The following FBXL17 variants were observed in gnomAD, a reference collection of about 807,000 sequenced individuals.
The protein encoded by FBXL17 is F-box/LRR-repeat protein 17.
Under a neutral mutation model 66.2 loss-of-function variants are expected in FBXL17, and 22 were observed. The ratio of observed to expected loss-of-function variants is 0.33; its 90% CI spans 0.24 to 0.47. FBXL17 has a LOEUF of 0.47. Ranked by LOEUF, FBXL17 falls within the 20% of genes least tolerant of loss-of-function variation. FBXL17 has a pLI of 1.00. For synonymous variants in FBXL17, 474 were observed against 400.5 expected, an observed-to-expected ratio of 1.18 and a Z score of -2.19; for missense variants, 878 against 948.2, an observed-to-expected ratio of 0.93 and a Z score of 0.97.
intron 6 of FBXL17, among the ~76,000 whole-genome samples, chr5:108,023,147 G>A (rs990143722): frequency 6.6e-6 from 1 of 152,002 alleles, no homozygotes; most frequent in African/African-American, 2.4e-5. Flanking sequence ...GGTAAACAAG[G>A]TTTTCCAAAT....
At chr5:107,913,717 T>C (rs1489539912) in intron 7 of FBXL17, among the ~76,000 whole-genome samples, 1 of 152,050 alleles carries the variant, frequency 6.6e-6, no homozygotes, top group Non-Finnish European at 1.5e-5. Flanking sequence ...AGAACAGCAT[T>C]TGGGGCTTAG....
chr5:108,380,719 G>A lies in FBXL17; in HGVS notation c.973C>T (p.Pro325Ser). Residue 325 changes from proline (P) to serine (S), a missense_variant, in exon 1 of 9, where the codon CCG becomes TCG. Physicochemically the swap from Pro to Ser is moderately conservative, Grantham distance 74. Around this residue, in one of 4 missense-constraint regions of FBXL17, gnomAD observed 605 missense variants for 509.5 expected, o/e 1.19. Coordinates refer to ENST00000542267, the MANE Select transcript of FBXL17 (RefSeq NM_001163315.3). The part of the protein sequence containing the change: ...PPETPDINQL[P>S]PSILLKIFSN... Reference sequence around the variant, plus strand: ...CCCACCTTGAGCAGGATGGACGGCGGCAGCTGGTTGATGTCTGGGGTTTCG... The same window carrying A: ...CCCACCTTGAGCAGGATGGACGGCGACAGCTGGTTGATGTCTGGGGTTTCG... 8.0e-7 allele frequency: 1 copy of A among 1,249,800 alleles called. No homozygotes were observed. Among genetic ancestry groups the A allele is most frequent in the Non-Finnish European group, 1.0e-6 (1 of 989,386 alleles). The allele number at this position is 1,249,800 out of a possible 1,614,324, so 77.4% of individuals were successfully genotyped here.
At chr5:108,345,336 CAAAAAGAAAAA>C (rs200872509) in intron 4 of FBXL17, among the ~76,000 whole-genome samples, 61 of 147,456 alleles carry the variant, frequency 4.1e-4, no homozygotes, top group East Asian at 3.9e-3. Flanking sequence ...AACTCCATCT[CAAAAAGAAAAA>C]AAAAAGAAAA....
chr5:108,122,936 G>A (rs286809), intron 6 of FBXL17, among the ~76,000 whole-genome samples: 28,118 of 151,744 alleles, frequency 0.19, 2,883 homozygotes, highest in South Asian at 0.41. Flanking sequence ...GTTTATAAGA[G>A]CATCTGCTTC....
chr5:108,110,867 T>C (rs936773020), intron 6 of FBXL17, among the ~76,000 whole-genome samples: 3 of 152,208 alleles, frequency 2.0e-5, no homozygotes, highest in African/African-American at 4.8e-5. Flanking sequence ...ATTTGATTTT[T>C]TGTATTAACC....
intron 7 of FBXL17, among the ~76,000 whole-genome samples, chr5:107,981,332 T>C (rs1310322142): frequency 1.3e-5 from 2 of 152,246 alleles, no homozygotes; most frequent in African/African-American, 2.4e-5. Flanking sequence ...CCTAACATTT[T>C]CTTCTTTACT....
chr5:107,914,012 A>G (rs1469908860), intron 7 of FBXL17, among the ~76,000 whole-genome samples: 4 of 151,870 alleles, frequency 2.6e-5, no homozygotes, highest in Non-Finnish European at 5.9e-5. Flanking sequence ...ACACAATGAT[A>G]TAAGTATAAA....
In FBXL17 at chr5:108,164,422, A is replaced by G. The variant is rs192220338; in HGVS notation, c.1745+21695T>C. 1.3e-4 allele frequency among the ~76,000 whole-genome samples: 20 copies of G among 152,276 alleles called. 1 individual carries two copies. The highest frequency in any genetic ancestry group is 1.0e-3 in the Admixed American group (16 of 15,302). On this transcript the variant is annotated intron_variant, in intron 6 of 8. Coordinates refer to ENST00000542267, the MANE Select transcript of FBXL17 (RefSeq NM_001163315.3). ...GATGTCTTAGTCCAAGCCTCTTCTT[A>G]GGCTGTAGTTCTGCTTTATTTAACC...
intron 7 of FBXL17, among the ~76,000 whole-genome samples, chr5:107,884,245 A>G (rs1274475679): frequency 6.6e-6 from 1 of 152,170 alleles, no homozygotes; most frequent in Non-Finnish European, 1.5e-5. Context: ...ACAGAACAAC[A>G]TTTAGCTGGG....
chr5:108,327,392 C>A (rs1416463349), intron 4 of FBXL17, among the ~76,000 whole-genome samples: 10 of 152,116 alleles, frequency 6.6e-5, no homozygotes, highest in Non-Finnish European at 1.3e-4. Context: ...AGCAAACTGA[C>A]TTGAGTTTTC....
In FBXL17 at chr5:107,972,220, T is replaced by A. The variant is rs1002092669; in HGVS notation, c.1822+48705A>T. ...AGAAAAGAAAAGAGAAAACAAAAAGTGTACTTATTTACAGAGAGGCAAACA... is the reference window on the plus strand; with the variant it reads ...AGAAAAGAAAAGAGAAAACAAAAAGAGTACTTATTTACAGAGAGGCAAACA... On this transcript the variant is annotated intron_variant, in intron 7 of 8. Transcript: ENST00000542267. Among the ~76,000 whole-genome samples, 6 of 152,180 alleles carry A rather than the reference T, an allele frequency of 3.9e-5. No homozygotes were observed. In the East Asian group the frequency reaches 1.2e-3, roughly 29 times the overall value.
chr5:108,074,063 G>C (rs1748448512), intron 6 of FBXL17, among the ~76,000 whole-genome samples: 1 of 152,088 alleles, frequency 6.6e-6, no homozygotes, highest in Non-Finnish European at 1.5e-5. Flanking sequence ...CCTGTTTTGG[G>C]CTATGTTCTG....
intron 7 of FBXL17, among the ~76,000 whole-genome samples, chr5:108,013,181 G>C (rs774138562): frequency 2.0e-5 from 3 of 152,000 alleles, no homozygotes; most frequent in African/African-American, 4.8e-5. Flanking sequence ...CTGGATACTT[G>C]ATTAGTAGTG....
At chr5:108,298,984 A>G in intron 4 of FBXL17, 1 of 972,234 alleles carries the variant, frequency 1.0e-6, no homozygotes, top group Non-Finnish European at 1.2e-6. Flanking sequence ...ATGTATTAGG[A>G]GAGTATAACA....
chr5:108,373,722 C>T (rs569912240), intron 1 of FBXL17, among the ~76,000 whole-genome samples: 1 of 152,084 alleles, frequency 6.6e-6, no homozygotes, highest in South Asian at 2.1e-4. Context: ...TCAAGACCAG[C>T]CTGGGCAACA....
intron 4 of FBXL17, among the ~76,000 whole-genome samples, chr5:108,277,079 T>C (rs551423446): frequency 4.6e-5 from 7 of 152,272 alleles, no homozygotes; most frequent in Non-Finnish European, 7.4e-5. Flanking sequence ...TGCCATTCTA[T>C]CAATGAAAAC....
intron 4 of FBXL17, among the ~76,000 whole-genome samples, chr5:108,249,743 A>C (rs568652385): frequency 1.3e-5 from 2 of 152,278 alleles, no homozygotes; most frequent in South Asian, 4.2e-4. Context: ...AGAACTACAA[A>C]ATATAAGCGA....
chr5:108,024,784 C>G (rs552723640), intron 6 of FBXL17, among the ~76,000 whole-genome samples: 2 of 151,976 alleles, frequency 1.3e-5, no homozygotes, highest in African/African-American at 4.8e-5. Flanking sequence ...CTAAAATGCA[C>G]CTGAAACATT....
In FBXL17 at chr5:107,993,154, C is replaced by A. The variant is rs1753326863; in HGVS notation, c.1822+27771G>T. The stretch of plus-strand genomic sequence containing the variant: ...TCGTGATCCACCCACCTTGGCCTCC[C>A]AAAGTGCTGGGATTACAGGCGTGAG... On this transcript the variant is annotated intron_variant, in intron 7 of 8. Coordinates refer to ENST00000542267, the MANE Select transcript of FBXL17 (RefSeq NM_001163315.3). Among the ~76,000 whole-genome samples, 3 of 152,190 alleles carry A rather than the reference C, an allele frequency of 2.0e-5. No individual in the cohort carries two copies. In the South Asian group the frequency reaches 6.2e-4, roughly 32 times the overall value.
Sources: gnomAD v4.1 joint callset for allele counts (sites outside exome capture counted in the v4.1 genomes callset) on GRCh38, gnomAD v4.1.1 for gene constraint, gnomAD v4.1.1 regional missense constraint, MANE v1.5 for transcripts, NCBI Gene and HGNC (gene_info 2026-07-23, HGNC 2026-07-21) for gene names.